Variants in JMJD1C observed in about 807,000 individuals in gnomAD.
The protein encoded by JMJD1C is jumonji domain containing 1C.
In JMJD1C, 31 loss-of-function variants were observed where a neutral mutation model predicts 245.3. The observed-to-expected ratio is 0.13, with a 90% CI of 0.09 to 0.17. JMJD1C has a LOEUF of 0.17. JMJD1C is among the 10% of genes least tolerant of loss of function. The pLI is 1.00. For synonymous variants in JMJD1C, 1,057 were observed against 1,017.4 expected (o/e 1.04, Z -0.74); for missense variants, 2,691 against 3,000.2 (o/e 0.90, Z 2.41).
In JMJD1C at chr10:63,167,794, A is replaced by T; in HGVS notation, c.*251T>A. 3.1e-6 allele frequency: 1 copy of T among 324,898 alleles called. No individual in the cohort carries two copies. Among genetic ancestry groups the T allele is most frequent in the Non-Finnish European group, 5.6e-6 (1 of 178,090 alleles). The allele number at this position is 324,898 out of a possible 1,614,324, so 20.1% of individuals were successfully genotyped here. On this transcript the variant is annotated 3_prime_UTR_variant, in exon 26 of 26. Transcript: ENST00000399262. ...CATTTTAAATCTGGCATTTTCACAA[A>T]CATCATATACACTATAATACAAAAC...
At chr10:63,365,090 A>G (rs1411285017) in intron 2 of JMJD1C, among the ~76,000 whole-genome samples, 1 of 152,206 alleles carries the variant, frequency 6.6e-6, no homozygotes, top group African/African-American at 2.4e-5. Context: ...GGATTTCCCA[A>G]TCAGGACCTG....
intron 2 of JMJD1C, among the ~76,000 whole-genome samples, chr10:63,330,003 A>G (rs1772409599): frequency 6.6e-6 from 1 of 152,126 alleles, no homozygotes; most frequent in African/African-American, 2.4e-5. Context: ...TGGGTTCAAG[A>G]GATTCTCGTG....
At chr10:63,362,865 G>A (rs1945507575) in intron 2 of JMJD1C, among the ~76,000 whole-genome samples, 1 of 152,118 alleles carries the variant, frequency 6.6e-6, no homozygotes, top group African/African-American at 2.4e-5. Flanking sequence ...TCATAATTAA[G>A]CATGAGGCAC....
Position 63,400,054 on chromosome 10 carries a change from T to C in JMJD1C, c.169-19572A>G, listed in dbSNP as rs144905696. ...TATCTTATTATTTTACTTAACAAAATGTACAGTAGCAATCACAGCTTAAAA... is the reference window on the plus strand; with the variant it reads ...TATCTTATTATTTTACTTAACAAAACGTACAGTAGCAATCACAGCTTAAAA... On this transcript the variant is annotated intron_variant, in intron 1 of 25. Coordinates refer to ENST00000399262, the MANE Select transcript of JMJD1C (RefSeq NM_032776.3). Among the ~76,000 whole-genome samples, 1,033 of 151,310 alleles carry C rather than the reference T, an allele frequency of 6.8e-3. 4 individuals carry two copies. Among genetic ancestry groups the C allele is most frequent in the Middle Eastern group, 0.017 (5 of 294 alleles).
At chr10:63,170,112 C>A (rs1176505220) in intron 24 of JMJD1C, among the ~76,000 whole-genome samples, 1 of 152,168 alleles carries the variant, frequency 6.6e-6, no homozygotes, top group East Asian at 1.9e-4. Flanking sequence ...TCATTTGTAG[C>A]TCCAAAATGT....
chr10:63,508,594 G>A (rs1265022277), intron 1 of JMJD1C, among the ~76,000 whole-genome samples: 4 of 152,126 alleles, frequency 2.6e-5, no homozygotes, highest in Admixed American at 1.3e-4. Context: ...TGATGATGCT[G>A]TGTCTTCCTA....
At chr10:63,443,396 CTT>C (rs1382603040) in intron 1 of JMJD1C, among the ~76,000 whole-genome samples, 2 of 152,180 alleles carry the variant, frequency 1.3e-5, no homozygotes, top group African/African-American at 4.8e-5. Flanking sequence ...ACTGCAACCT[CTT>C]CTTCCTGAGT....
intron 2 of JMJD1C, among the ~76,000 whole-genome samples, chr10:63,307,815 C>T (rs1938485206): frequency 6.6e-6 from 1 of 151,994 alleles, no homozygotes; most frequent in African/African-American, 2.4e-5. Flanking sequence ...CAGAGAAAAC[C>T]CAAGGCCATT....
At chr10:63,361,788 A>AAT (rs1414599524) in intron 2 of JMJD1C, among the ~76,000 whole-genome samples, 1 of 151,976 alleles carries the variant, frequency 6.6e-6, no homozygotes, top group Non-Finnish European at 1.5e-5. Context: ...ACACTTAAGA[A>AAT]ATATGGAAAG....
At chr10:63,401,557 C>G (rs549883310) in intron 1 of JMJD1C, among the ~76,000 whole-genome samples, 2 of 152,110 alleles carry the variant, frequency 1.3e-5, no homozygotes, top group Non-Finnish European at 2.9e-5. Flanking sequence ...AGAATATACC[C>G]TTGTATTAAT....
At chr10:63,283,437 G>C (rs2133898808) in intron 2 of JMJD1C, among the ~76,000 whole-genome samples, 1 of 150,760 alleles carries the variant, frequency 6.6e-6, no homozygotes, top group East Asian at 2.0e-4. Context: ...CATGATCTTG[G>C]CTCACTGTGA....
At chr10:63,416,395 G>A (rs746331700) in intron 1 of JMJD1C, among the ~76,000 whole-genome samples, 1 of 149,900 alleles carries the variant, frequency 6.7e-6, no homozygotes, top group Non-Finnish European at 1.5e-5. Context: ...ATTGCAATCC[G>A]TAATTGCAGG....
intron 2 of JMJD1C, among the ~76,000 whole-genome samples, chr10:63,355,771 T>G (rs7082926): frequency 0.66 from 100,907 of 151,772 alleles, 36,157 homozygotes; most frequent in Non-Finnish European, 0.81. Context: ...TGTGTGCTCA[T>G]GTGCATTTAT....
At chr10:63,294,160 A>AGTTCACTATG in intron 2 of JMJD1C, among the ~76,000 whole-genome samples, 1 of 152,222 alleles carries the variant, frequency 6.6e-6, no homozygotes, top group East Asian at 1.9e-4. Flanking sequence ...CCAGATTCAT[A>AGTTCACTATG]GTTCACTATG....
chr10:63,290,130 T>A (rs1042938931), intron 2 of JMJD1C, among the ~76,000 whole-genome samples: 3 of 152,056 alleles, frequency 2.0e-5, no homozygotes, highest in Non-Finnish European at 4.4e-5. Flanking sequence ...CAAACTTTTA[T>A]AACTGAAAAA....
At chr10:63,259,394 A>ATT (rs1854406152) in intron 3 of JMJD1C, among the ~76,000 whole-genome samples, 4 of 151,658 alleles carry the variant, frequency 2.6e-5, no homozygotes, top group African/African-American at 4.8e-5. Flanking sequence ...GCCATAGGAC[A>ATT]GTAACACAAA....
At chr10:63,337,373 C>G (rs1942845410) in intron 2 of JMJD1C, among the ~76,000 whole-genome samples, 2 of 137,914 alleles carry the variant, frequency 1.5e-5, no homozygotes, top group Non-Finnish European at 3.0e-5. Flanking sequence ...AACTGGGAGG[C>G]AAACCTTGCA....
intron 1 of JMJD1C, among the ~76,000 whole-genome samples, chr10:63,463,968 A>T (rs1422899840): frequency 6.6e-6 from 1 of 152,100 alleles, no homozygotes; most frequent in African/African-American, 2.4e-5. Context: ...CAATTAAGTT[A>T]TTTATATATA....
chr10:63,314,634 T>G (rs9414792), intron 2 of JMJD1C, among the ~76,000 whole-genome samples: 2,391 of 152,274 alleles, frequency 0.016, 52 homozygotes, highest in African/African-American at 0.053. Flanking sequence ...GTTTTGTTTT[T>G]TTTTTTTTCA....
Sources: gnomAD v4.1 joint callset for allele counts (sites outside exome capture counted in the v4.1 genomes callset) on GRCh38, gnomAD v4.1.1 for gene constraint, MANE v1.5 for transcripts, NCBI Gene and HGNC (gene_info 2026-07-23, HGNC 2026-07-21) for gene names.